PTHLH: variants seen among roughly 807,000 people sequenced by gnomAD.
The protein encoded by PTHLH is parathyroid hormone like hormone, also known as parathyroid hormone-related protein.
A neutral mutation model predicts 18.6 loss-of-function variants in PTHLH; 5 were observed. The ratio of observed to expected loss-of-function variants is 0.27; its 90% CI spans 0.14 to 0.56. The LOEUF is 0.56. Ranked by LOEUF, PTHLH falls within the 20% of genes least tolerant of loss-of-function variation. PTHLH has a pLI of 0.92. For missense variants in PTHLH, 207 were observed against 223.9 expected (o/e 0.92, Z 0.48); for synonymous variants, 90 against 94.0 (o/e 0.96, Z 0.25).
At chr12:27,959,130 T>C (rs1166632199) in intron 5 of PTHLH, among the ~76,000 whole-genome samples, 3 of 152,230 alleles carry the variant, frequency 2.0e-5, no homozygotes, top group African/African-American at 4.8e-5. Flanking sequence ...GTTGATGGTA[T>C]AATGATATCC....
At position 27,963,663 on chromosome 12, in the gene PTHLH, G is replaced by A; in HGVS notation, c.209C>T (p.Ala70Val). The change falls in exon 5 of 6, where the codon GCT (alanine) becomes GTT (valine). Residue 70 changes from alanine (A) to valine (V), a missense_variant. Transcript: ENST00000545234. ...LHHLIAEIHTAEIRATSEVSP... is the reference protein window; with the variant it reads ...LHHLIAEIHTVEIRATSEVSP... The stretch of plus-strand genomic sequence containing the variant: ...CACCTCCGAGGTAGCTCTGATTTCA[G>A]CTGTGTGGATTTCTGCGATCAGATG... The A allele has an allele frequency of 6.2e-7, 1 of 1,613,836 alleles. No individual in the cohort carries two copies. Among genetic ancestry groups the A allele is most frequent in the Non-Finnish European group, 8.5e-7 (1 of 1,179,900 alleles).
intron 5 of PTHLH, among the ~76,000 whole-genome samples, chr12:27,960,027 AC>A (rs1397965029): frequency 1.3e-5 from 2 of 152,252 alleles, no homozygotes; most frequent in Non-Finnish European, 2.9e-5. Context: ...AAGTTAAAGG[AC>A]CAAGGAGAAA....
chr12:27,959,190 A>G (rs899086080), intron 5 of PTHLH, among the ~76,000 whole-genome samples: 1 of 152,318 alleles, frequency 6.6e-6, no homozygotes, highest in East Asian at 1.9e-4. Context: ...GTCTTTAAAC[A>G]CTAATGAATG....
rs532959548 is a variant in PTHLH at position 27,965,493 on chromosome 12, T to G, written c.102-1723A>C. ...TACAAGAGTTTGGATTATCACTGGATGAATGAGTCAAAGAAAAGAGTAAGA... is the reference window on the plus strand; with the variant it reads ...TACAAGAGTTTGGATTATCACTGGAGGAATGAGTCAAAGAAAAGAGTAAGA... On this transcript the variant is annotated intron_variant, in intron 4 of 5. Coordinates refer to ENST00000545234, the MANE Select transcript of PTHLH (RefSeq NM_198965.2). 1.1e-4 allele frequency among the ~76,000 whole-genome samples: 16 copies of G among 152,380 alleles called. No individual in the cohort carries two copies. The East Asian group carries it at 2.7e-3, about 26-fold the overall frequency.
intron 1 of PTHLH, 71 bp downstream of exon 1, chr12:27,972,452 T>C (rs1051295573): frequency 1.3e-4 from 20 of 152,130 alleles, no homozygotes; most frequent in African/African-American, 2.7e-4. Context: ...AGAGAAAATA[T>C]AGACACAGGA....
chr12:27,969,341 C>T, intron 4 of PTHLH, 53 bp downstream of exon 4: 3 of 1,497,914 alleles, frequency 2.0e-6, no homozygotes, highest in Non-Finnish European at 2.7e-6. Flanking sequence ...AGCTTGGCAG[C>T]CCCTCCCCCT....
chr12:27,967,930 A>G (rs1235696998), intron 4 of PTHLH, among the ~76,000 whole-genome samples: 1 of 152,240 alleles, frequency 6.6e-6, no homozygotes, highest in Non-Finnish European at 1.5e-5. Flanking sequence ...CAAAAGAGAA[A>G]ACAGGTATTT....
chr12:27,969,554 G>A (rs1251951518), intron 3 of PTHLH, 38 bp from the exon 4 acceptor site: 3 of 1,477,600 alleles, frequency 2.0e-6, no homozygotes, highest in Non-Finnish European at 2.8e-6. Context: ...TGTCAGTCTG[G>A]ACTCTCCATC....
chr12:27,961,289 A>T (rs75753415), intron 5 of PTHLH, among the ~76,000 whole-genome samples: 1 of 31,574 alleles, frequency 3.2e-5, no homozygotes, highest in African/African-American at 1.4e-4. Flanking sequence ...ATATATACGT[A>T]TATATATATA....
chr12:27,968,312 A>T (rs61395552), intron 4 of PTHLH, among the ~76,000 whole-genome samples: 1,663 of 152,340 alleles, frequency 0.011, 25 homozygotes, highest in African/African-American at 0.037. Context: ...CGTATAAAAC[A>T]GTTGCCTTTT....
intron 4 of PTHLH, among the ~76,000 whole-genome samples, chr12:27,968,808 G>A (rs2062840183): frequency 6.6e-6 from 1 of 152,174 alleles, no homozygotes; most frequent in South Asian, 2.1e-4. Flanking sequence ...GCGCTCTAGC[G>A]TTCCTGAACT....
chr12:27,959,760 GTGGGAA>G (rs980936091), intron 5 of PTHLH, among the ~76,000 whole-genome samples: 1 of 152,182 alleles, frequency 6.6e-6, no homozygotes, highest in African/African-American at 2.4e-5. Context: ...AATGGTTTTG[GTGGGAA>G]TGTTAAAATC....
chr12:27,962,935 T>C (rs1260346341), intron 5 of PTHLH: 4 of 1,103,742 alleles, frequency 3.6e-6, no homozygotes, highest in African/African-American at 1.6e-5. Flanking sequence ...ATATTCTCCC[T>C]TGAAGTGAAA....
At chr12:27,969,247 G>A in intron 4 of PTHLH, 147 bp downstream of exon 4, 3 of 743,898 alleles carry the variant, frequency 4.0e-6, no homozygotes, top group Non-Finnish European at 6.5e-6. Flanking sequence ...CCGGGCTCAG[G>A]CCCCGGCAGG....
At chr12:27,961,140 C>A (rs2120608187) in intron 5 of PTHLH, among the ~76,000 whole-genome samples, 1 of 151,766 alleles carries the variant, frequency 6.6e-6, no homozygotes, top group Non-Finnish European at 1.5e-5. Flanking sequence ...ACTAGACCTA[C>A]TTTAACTTAG....
chr12:27,963,033 A>T, intron 5 of PTHLH: 1 of 1,245,244 alleles, frequency 8.0e-7, no homozygotes, highest in Non-Finnish European at 1.0e-6. Context: ...AATTATGAAG[A>T]TGGTCACTAG....
At chr12:27,961,482 TTA>T (rs72276819) in intron 5 of PTHLH, among the ~76,000 whole-genome samples, 29,574 of 148,740 alleles carry the variant, frequency 0.2, 3,327 homozygotes, top group African/African-American at 0.28. Context: ...ACATATATGT[TTA>T]TATATATATG....
intron 2 of PTHLH, among the ~76,000 whole-genome samples, chr12:27,971,156 C>T (rs1466625921): frequency 2.0e-5 from 3 of 151,992 alleles, no homozygotes; most frequent in East Asian, 3.9e-4. Context: ...TCCCCTCCCC[C>T]TCAAAAGTCC....
chr12:27,965,007 C>T (rs1221265627), intron 4 of PTHLH, among the ~76,000 whole-genome samples: 1 of 152,240 alleles, frequency 6.6e-6, no homozygotes, highest in Non-Finnish European at 1.5e-5. Context: ...ATCCCATGTA[C>T]TCTTACTTCC....
Sources: allele counts gnomAD v4.1 joint callset (sites outside exome capture counted in the v4.1 genomes callset), GRCh38; gene constraint gnomAD v4.1.1; transcripts MANE v1.5; gene names NCBI Gene and HGNC (gene_info 2026-07-23, HGNC 2026-07-21).